The following MTRR variants were observed in gnomAD, a reference collection of about 807,000 sequenced individuals.
The protein encoded by MTRR is methionine synthase reductase.
A neutral mutation model predicts 79.2 loss-of-function variants in MTRR; 63 were observed. The observed-to-expected ratio is 0.80, with a 90% CI of 0.65 to 0.98. MTRR has a LOEUF of 0.98. Among genes scored for constraint, MTRR ranks in the 50% least tolerant of loss-of-function variants. The pLI, the probability that MTRR is intolerant of heterozygous loss-of-function variation, is 0.00. For missense variants in MTRR, 895 were observed against 839.6 expected (o/e 1.07, Z -0.82); for synonymous variants, 355 against 313.3 (o/e 1.13, Z -1.41).
At chr5:7,861,495 A>T in intron 1 of MTRR, 1 of 976,090 alleles carries the variant, frequency 1.0e-6, no homozygotes, top group Non-Finnish European at 1.4e-6. Context: ...AATCATATCT[A>T]TTTTTTTCAC....
intron 8 of MTRR, 95 bp downstream of exon 8, chr5:7,886,798 C>G (rs1309854239): frequency 2.0e-6 from 2 of 998,896 alleles, no homozygotes; most frequent in Non-Finnish European, 3.1e-6. Context: ...CCTTTGCAGT[C>G]TTAAAAAATG....
chr5:7,887,139 T>C (rs1736625024), intron 8 of MTRR, among the ~76,000 whole-genome samples: 1 of 152,158 alleles, frequency 6.6e-6, no homozygotes, highest in Admixed American at 6.5e-5. Context: ...TGCCACTTCC[T>C]ACAGTTGTTA....
At chr5:7,869,719 G>A (rs951731302) in intron 1 of MTRR, 11 of 192,498 alleles carry the variant, frequency 5.7e-5, no homozygotes, top group Non-Finnish European at 1.2e-4. Context: ...TCGTGGGAAG[G>A]TGGTGCCGGA....
chr5:7,889,257 C>T lies in MTRR; in HGVS notation c.1309C>T (p.Pro437Ser), dbSNP rs1561247517. Residue 437 changes from proline (P) to serine (S), a missense_variant, in exon 9 of 15, where the codon CCA becomes TCA. By Grantham distance (74) the Pro-to-Ser change is moderately conservative (BLOSUM62 -1). Transcript: ENST00000440940. The part of the protein sequence containing the change: ...LLLAFPSCQP[P>S]LSLLLEHLPK... ...CCTCGCTTTCCCTTCTTGCCAGCCACCACTCAGTCTCCTGCTCGGTGAGTA... is the reference window on the plus strand; with the variant it reads ...CCTCGCTTTCCCTTCTTGCCAGCCATCACTCAGTCTCCTGCTCGGTGAGTA... The T allele has an allele frequency of 1.2e-6, 2 of 1,612,780 alleles. No individual in the cohort carries two copies. Among genetic ancestry groups the T allele is most frequent in the Admixed American group, 1.7e-5 (1 of 59,996 alleles).
intron 1 of MTRR, among the ~76,000 whole-genome samples, chr5:7,855,579 C>T (rs1229518847): frequency 6.6e-6 from 1 of 152,000 alleles, no homozygotes; most frequent in East Asian, 1.9e-4. Flanking sequence ...GTGATCATAG[C>T]TCCTGGCCTC....
chr5:7,894,072 CAT>C (rs1738097353), intron 11 of MTRR, among the ~76,000 whole-genome samples: 1 of 152,160 alleles, frequency 6.6e-6, no homozygotes, highest in Non-Finnish European at 1.5e-5. Flanking sequence ...AAACACTAAA[CAT>C]GGGTGCCTTT....
At chr5:7,883,927 G>C (rs1456262459) in intron 6 of MTRR, among the ~76,000 whole-genome samples, 1 of 152,206 alleles carries the variant, frequency 6.6e-6, no homozygotes, top group East Asian at 1.9e-4. Flanking sequence ...TATAATCCCA[G>C]CACTTTGGGA....
In MTRR at chr5:7,873,515, A is replaced by G. The variant is rs767247740; in HGVS notation, c.272A>G (p.Tyr91Cys). The G allele has an allele frequency of 1.2e-6, 2 of 1,614,162 alleles. No individual in the cohort carries two copies. The highest frequency in any genetic ancestry group is 1.7e-6 in the Non-Finnish European group (2 of 1,180,014). Residue 91 changes from tyrosine (Y) to cysteine (C), a missense_variant, in exon 3 of 15, where the codon TAT becomes TGT. Transcript: ENST00000440940. ...GTTGATTTCTTTGCTCACCTGCGGTATGGGTTACTGGGTAATGGACTCTCT... is the reference window on the plus strand; with the variant it reads ...GTTGATTTCTTTGCTCACCTGCGGTGTGGGTTACTGGGTAATGGACTCTCT... ...LPVDFFAHLRYGLLGLGDSEY... is the reference protein window; with the variant it reads ...LPVDFFAHLRCGLLGLGDSEY...
Position 7,875,274 on chromosome 5 carries a change from A to G in MTRR, c.300A>G (p.Glu100=). The G allele has an allele frequency of 2.5e-6, 4 of 1,613,212 alleles. No individual in the cohort carries two copies. Among genetic ancestry groups the G allele is most frequent in the Non-Finnish European group, 3.4e-6 (4 of 1,179,246 alleles). The change falls in exon 4 of 15, where the codon GAA becomes GAG. Residue 100 remains glutamate (E), a synonymous_variant. Coordinates refer to ENST00000440940, the MANE Select transcript of MTRR (RefSeq NM_002454.3). ...GTTCTCTAGGTCTCGGTGATTCAGAATACACCTACTTTTGCAATGGGGGGA... is the reference window on the plus strand; with the variant it reads ...GTTCTCTAGGTCTCGGTGATTCAGAGTACACCTACTTTTGCAATGGGGGGA... ...RYGLLGLGDS[E]YTYFCNGGKI...
chr5:7,865,825 A>G, upstream of MTRR: 4 of 1,162,182 alleles, frequency 3.4e-6, no homozygotes, highest in Non-Finnish European at 5.2e-6. Flanking sequence ...ATTGAGACAG[A>G]TCAGAAGTAA....
At chr5:7,866,956 C>A (rs369728205), upstream of MTRR, 14 of 1,614,064 alleles carry the variant, frequency 8.7e-6, no homozygotes, top group African/African-American at 1.6e-4. Context: ...TACTGCAGTA[C>A]TCCATGACCC....
chr5:7,858,737 C>T (rs1746333669), intron 1 of MTRR, among the ~76,000 whole-genome samples: 1 of 151,932 alleles, frequency 6.6e-6, no homozygotes, highest in Admixed American at 6.6e-5. Context: ...CACTCTGCTA[C>T]TCCAGTCGGC....
At chr5:7,894,311 A>G (rs1579804275) in intron 11 of MTRR, among the ~76,000 whole-genome samples, 1 of 152,258 alleles carries the variant, frequency 6.6e-6, no homozygotes, top group African/African-American at 2.4e-5. Flanking sequence ...CGGATAGTAC[A>G]GTTATTCACA....
rs770060665 is a variant in MTRR at position 7,878,196 on chromosome 5, T to C, written c.654T>C (p.Asn218=). 9 of 1,614,098 alleles carry C rather than the reference T, an allele frequency of 5.6e-6. No individual in the cohort carries two copies. Among genetic ancestry groups the C allele is most frequent in the African/African-American group, 2.7e-5 (2 of 74,934 alleles). ...KQNAVNSNQS[N]VVIEDFESSL... is the part of the protein sequence containing the mutation. ...ATGCAGTGAACAGCAACCAATCCAATGTTGTAATTGAAGACTTTGAGTCCT... is the reference window on the plus strand; with the variant it reads ...ATGCAGTGAACAGCAACCAATCCAACGTTGTAATTGAAGACTTTGAGTCCT... The change falls in exon 5 of 15, where the codon AAT becomes AAC. Residue 218 remains asparagine, a synonymous_variant. Coordinates refer to ENST00000440940, the MANE Select transcript of MTRR (RefSeq NM_002454.3).
intron 8 of MTRR, among the ~76,000 whole-genome samples, chr5:7,888,144 G>A (rs1245208554): frequency 2.0e-5 from 3 of 151,948 alleles, no homozygotes; most frequent in Non-Finnish European, 2.9e-5. Context: ...TTCTTGTACT[G>A]TATTAATTTT....
chr5:7,884,957 C>T (rs1379499205), intron 6 of MTRR, among the ~76,000 whole-genome samples: 2 of 152,050 alleles, frequency 1.3e-5, no homozygotes, highest in Non-Finnish European at 2.9e-5. Context: ...ATTTTTTATT[C>T]TGGTATTTTA....
At position 7,885,747 on chromosome 5, in the gene MTRR, G is replaced by A; in HGVS notation, c.950G>A (p.Cys317Tyr). ...CCTGGAGATGCCTTCAGCGTGATCT[G>A]CCCTAACAGTGATTCTGAGGTACAA... is the stretch of plus-strand genomic sequence containing the variant. Reference protein sequence around the residue: ...YQPGDAFSVICPNSDSEVQSL... With the variant: ...YQPGDAFSVIYPNSDSEVQSL... The change falls in exon 7 of 15, where the codon TGC becomes TAC. Residue 317 changes from cysteine to tyrosine, a missense_variant. By Grantham distance (194) the Cys-to-Tyr change is radical. Coordinates refer to ENST00000440940, the MANE Select transcript of MTRR (RefSeq NM_002454.3). 10 of 1,612,648 alleles carry A rather than the reference G, an allele frequency of 6.2e-6. No individual in the cohort carries two copies. Among genetic ancestry groups the A allele is most frequent in the Non-Finnish European group, 8.5e-6 (10 of 1,179,904 alleles).
chr5:7,887,625 T>C (rs983543760), intron 8 of MTRR, among the ~76,000 whole-genome samples: 3 of 147,730 alleles, frequency 2.0e-5, no homozygotes, highest in Non-Finnish European at 4.5e-5. Context: ...GTAATTTGAG[T>C]ATTTAGAATT....
chr5:7,859,552 AAAAGT>A, intron 1 of MTRR: 10 of 1,540,308 alleles, frequency 6.5e-6, no homozygotes, highest in Non-Finnish European at 8.9e-6. Context: ...GTAAAGGTAG[AAAAGT>A]AAAACTGGTC....
Sources: allele counts gnomAD v4.1 joint callset (sites outside exome capture counted in the v4.1 genomes callset), GRCh38; gene constraint gnomAD v4.1.1; transcripts MANE v1.5; gene names NCBI Gene and HGNC (gene_info 2026-07-23, HGNC 2026-07-21).